Variants in JCHAIN observed in about 807,000 individuals in gnomAD.
JCHAIN encodes the protein immunoglobulin J chain.
A neutral mutation model predicts 11.1 loss-of-function variants in JCHAIN; 5 were observed. That is an observed-to-expected ratio of 0.45 (90% CI 0.24 to 0.95). JCHAIN has a LOEUF of 0.95. Among genes scored for constraint, JCHAIN ranks in the 40% least tolerant of loss-of-function variants. The probability of loss-of-function intolerance (pLI) is 0.21; values close to 1 mark genes in which losing one functional copy is unlikely to be tolerated. For missense variants in JCHAIN, 165 were observed against 192.7 expected, an observed-to-expected ratio of 0.86 and a Z score of 0.85; for synonymous variants, 51 against 67.8, an observed-to-expected ratio of 0.75 and a Z score of 1.22.
At chr4:70,666,132 A>T (rs1191516442) in intron 1 of JCHAIN, among the ~76,000 whole-genome samples, 1 of 152,170 alleles carries the variant, frequency 6.6e-6, no homozygotes, top group Non-Finnish European at 1.5e-5. Flanking sequence ...CAAGGGAAGG[A>T]TTATAGATTT....
intron 2 of JCHAIN, among the ~76,000 whole-genome samples, chr4:70,657,667 G>A (rs1054804736): frequency 2.0e-5 from 3 of 152,006 alleles, no homozygotes; most frequent in South Asian, 2.1e-4. Flanking sequence ...ATCAAATGCC[G>A]TATCATAGTT....
At chr4:70,664,679 G>A (rs1260872858) in intron 1 of JCHAIN, among the ~76,000 whole-genome samples, 2 of 152,136 alleles carry the variant, frequency 1.3e-5, no homozygotes, top group Non-Finnish European at 2.9e-5. Flanking sequence ...CTTAAATGAT[G>A]TCCTCTTTCC....
Position 70,655,554 on chromosome 4 carries a change from CTATT to C in JCHAIN, c.*771_*774del, listed in dbSNP as rs1425990797. 6.6e-6 allele frequency: 1 copy of C among 152,082 alleles called. No individual in the cohort carries two copies. The highest frequency in any genetic ancestry group is 2.4e-5 in the African/African-American group (1 of 41,416). 9.4% of individuals were successfully genotyped at this position (152,082 alleles called of 1,614,324 possible). The stretch of plus-strand genomic sequence containing the variant: ...TTCACACAGGTATATGCTTATGAAT[CTATT>C]TAATTGCTCAGACTGTGCTAGAGAA... On this transcript the variant is annotated 3_prime_UTR_variant, in exon 4 of 4. Coordinates refer to ENST00000254801, the MANE Select transcript of JCHAIN (RefSeq NM_144646.4).
chr4:70,656,222 A>G lies in JCHAIN; in HGVS notation c.*107T>C, dbSNP rs192096756. On this transcript the variant is annotated 3_prime_UTR_variant, in exon 4 of 4. Transcript: ENST00000254801. ...GTTGGTTTTACATCACCCAAAAAAAAAAAAAAGCCCTGGTTTCAAATTCAT... is the reference window on the plus strand; with the variant it reads ...GTTGGTTTTACATCACCCAAAAAAAGAAAAAAGCCCTGGTTTCAAATTCAT... 3.4e-5 allele frequency: 27 copies of G among 787,418 alleles called. No homozygotes were observed. The Admixed American group carries it at 4.4e-4, about 13-fold the overall frequency. The allele number at this position is 787,418 out of a possible 1,614,324, so 48.8% of individuals were successfully genotyped here.
chr4:70,662,876 T>C (rs1739088775), intron 1 of JCHAIN, among the ~76,000 whole-genome samples: 1 of 151,918 alleles, frequency 6.6e-6, no homozygotes, highest in Non-Finnish European at 1.5e-5. Context: ...GGAGAATCAC[T>C]TGAACCTGGG....
intron 2 of JCHAIN, among the ~76,000 whole-genome samples, chr4:70,660,116 G>A (rs1739025917): frequency 6.6e-6 from 1 of 152,078 alleles, no homozygotes; most frequent in Non-Finnish European, 1.5e-5. Flanking sequence ...CTTCAACATG[G>A]CTTAAGTGCC....
At chr4:70,666,023 C>A in intron 1 of JCHAIN, 1 of 180,666 alleles carries the variant, frequency 5.5e-6, no homozygotes, top group Middle Eastern at 5.1e-4. Context: ...CTGTTAAAAC[C>A]AATACCAGCC....
intron 2 of JCHAIN, among the ~76,000 whole-genome samples, chr4:70,658,025 C>T (rs1355731157): frequency 6.6e-6 from 1 of 152,214 alleles, no homozygotes; most frequent in East Asian, 1.9e-4. Context: ...GCCCTCCCTA[C>T]CAAAAGGAAC....
In JCHAIN at chr4:70,657,268, T is replaced by C; in HGVS notation, c.212A>G (p.Asn71Ser). ...RIIVPLNNRE[N>S]ISDPTSPLRT... ...CAATGGTGAGGTGGGATCAGAGATA[T>C]TCTCCCTGTTGTTCAGAGGAACACT... Residue 71 changes from asparagine (N) to serine (S), a missense_variant, in exon 3 of 4, where the codon AAT becomes AGT. Coordinates refer to ENST00000254801, the MANE Select transcript of JCHAIN (RefSeq NM_144646.4). 1 of 1,601,168 alleles carries C rather than the reference T, an allele frequency of 6.2e-7. No individual in the cohort carries two copies. The highest frequency in any genetic ancestry group is 1.7e-4 in the Middle Eastern group (1 of 6,042).
At chr4:70,666,368 A>G in intron 1 of JCHAIN, 59 bp downstream of exon 1, 3 of 1,255,014 alleles carry the variant, frequency 2.4e-6, no homozygotes, top group Non-Finnish European at 3.5e-6. Context: ...TAAAACTGAA[A>G]AACAGATCTG....
Position 70,656,207 on chromosome 4 carries a change from C to CT in JCHAIN, c.*121_*122insA. The CT allele has an allele frequency of 1.5e-6, 1 of 666,112 alleles. No individual in the cohort carries two copies. Among genetic ancestry groups the CT allele is most frequent in the Non-Finnish European group, 2.6e-6 (1 of 389,004 alleles). The allele number at this position is 666,112 out of a possible 1,614,324, so 41.3% of individuals were successfully genotyped here. A position where few individuals can be genotyped will look rare whatever the true frequency, so the allele number is the denominator to read the frequency against. On this transcript the variant is annotated 3_prime_UTR_variant, in exon 4 of 4. Coordinates refer to ENST00000254801, the MANE Select transcript of JCHAIN (RefSeq NM_144646.4). Reference sequence around the variant, plus strand: ...TTTTGGTGGCAGGGAGTTGGTTTTACATCACCCAAAAAAAAAAAAAAGCCC... The same window carrying CT: ...TTTTGGTGGCAGGGAGTTGGTTTTACTATCACCCAAAAAAAAAAAAAAGCCC...
At position 70,655,794 on chromosome 4, in the gene JCHAIN, G is replaced by C. The variant is rs1011493408; in HGVS notation, c.*535C>G. ...TCACCTTAAATTATTTTTGTAACTA[G>C]TTCTAGAACATGTTTTCCAATTATT... On this transcript the variant is annotated 3_prime_UTR_variant, in exon 4 of 4. Transcript: ENST00000254801. 4 of 152,018 alleles carry C rather than the reference G, an allele frequency of 2.6e-5. No homozygotes were observed. Among genetic ancestry groups the C allele is most frequent in the African/African-American group, 9.6e-5 (4 of 41,510 alleles). The allele number at this position is 152,018 out of a possible 1,614,324, so 9.4% of individuals were successfully genotyped here. A position where few individuals can be genotyped will look rare whatever the true frequency, so the allele number is the denominator to read the frequency against.
chr4:70,656,385 C>G lies in JCHAIN; in HGVS notation c.424G>C (p.Gly142Arg), dbSNP rs575017166. ...YTAVVPLVYG[G>R]ETKMVETALT... is the part of the protein sequence containing the mutation. ...GCTGTTTCCACCATTTTGGTCTCAC[C>G]ACCATATACGAGTGGGACCACAGCT... Residue 142 changes from glycine (G) to arginine (R), a missense_variant, in exon 4 of 4, where the codon GGT (glycine) becomes CGT (arginine). Transcript: ENST00000254801. 1 of 1,614,068 alleles carries G rather than the reference C, an allele frequency of 6.2e-7. No individual in the cohort carries two copies. Among genetic ancestry groups the G allele is most frequent in the East Asian group, 2.2e-5 (1 of 44,882 alleles).
At chr4:70,659,880 G>T (rs1020999232) in intron 2 of JCHAIN, among the ~76,000 whole-genome samples, 9 of 151,538 alleles carry the variant, frequency 5.9e-5, no homozygotes, top group Middle Eastern at 3.4e-3. Flanking sequence ...ATAATGATAA[G>T]AATAATAATA....
At position 70,655,563 on chromosome 4, in the gene JCHAIN, T is replaced by C. The variant is rs1738931235; in HGVS notation, c.*766A>G. 1 of 152,200 alleles carries C rather than the reference T, an allele frequency of 6.6e-6. No homozygotes were observed. The highest frequency in any genetic ancestry group is 1.5e-5 in the Non-Finnish European group (1 of 68,032). The allele number at this position is 152,200 out of a possible 1,614,324, so 9.4% of individuals were successfully genotyped here. A position where few individuals can be genotyped will look rare whatever the true frequency, so the allele number is the denominator to read the frequency against. On this transcript the variant is annotated 3_prime_UTR_variant, in exon 4 of 4. Transcript: ENST00000254801. ...GTATATGCTTATGAATCTATTTAAT[T>C]GCTCAGACTGTGCTAGAGAATACGT...
chr4:70,662,665 T>C (rs1402951919), intron 1 of JCHAIN, among the ~76,000 whole-genome samples: 1 of 152,136 alleles, frequency 6.6e-6, no homozygotes, highest in Non-Finnish European at 1.5e-5. Context: ...ATATTTCTTA[T>C]AAGAATTATT....
chr4:70,661,117 T>G (rs1034558623), intron 2 of JCHAIN, among the ~76,000 whole-genome samples: 6 of 152,238 alleles, frequency 3.9e-5, no homozygotes. Flanking sequence ...TTGAATGGAA[T>G]GGAATGCTCT....
intron 1 of JCHAIN, among the ~76,000 whole-genome samples, chr4:70,662,488 T>G: frequency 7.4e-6 from 1 of 134,284 alleles, no homozygotes; most frequent in South Asian, 2.1e-4. Context: ...CTCTCATTTG[T>G]ACTTAAATTT....
At position 70,657,603 on chromosome 4, in the gene JCHAIN, C is replaced by T. The variant is rs973373655; in HGVS notation, c.189-312G>A. On this transcript the variant is annotated intron_variant, in intron 2 of 3. Coordinates refer to ENST00000254801, the MANE Select transcript of JCHAIN (RefSeq NM_144646.4). Reference sequence around the variant, plus strand: ...TAATTATATTGATGTTATCCCCACCCTTCAACAAACTTCTTCCTCTGCAGT... The same window carrying T: ...TAATTATATTGATGTTATCCCCACCTTTCAACAAACTTCTTCCTCTGCAGT... Among the ~76,000 whole-genome samples the T allele has an allele frequency of 3.3e-4, 50 of 152,150 alleles. 1 individual carries two copies. The highest frequency in any genetic ancestry group is 3.2e-3 in the Admixed American group (49 of 15,268).
Sources: allele counts gnomAD v4.1 joint callset (sites outside exome capture counted in the v4.1 genomes callset), GRCh38; gene constraint gnomAD v4.1.1; transcripts MANE v1.5; gene names NCBI Gene and HGNC (gene_info 2026-07-23, HGNC 2026-07-21).